The following TIAM1 variants were observed in gnomAD, a reference collection of about 807,000 sequenced individuals.
TIAM1 encodes TIAM Rac1 associated GEF 1.
In TIAM1, 65 loss-of-function variants were observed where a neutral mutation model predicts 163.5. The observed-to-expected ratio is 0.40, with a 90% CI of 0.33 to 0.49. The LOEUF (loss-of-function observed/expected upper bound fraction) is 0.49. TIAM1 is among the 20% of genes least tolerant of loss of function. The pLI is 0.77. For synonymous variants in TIAM1, 833 were observed against 810.1 expected (o/e 1.03, Z -0.48); for missense variants, 1,789 against 2,044.7 (o/e 0.87, Z 2.41).
chr21:31,248,158 T>G (rs539821463), intron 5 of TIAM1, among the ~76,000 whole-genome samples: 1 of 152,266 alleles, frequency 6.6e-6, no homozygotes, highest in African/African-American at 2.4e-5. Context: ...TACGACTAAT[T>G]CAACACTAAT....
At chr21:31,375,977 A>G (rs1222600582) in intron 2 of TIAM1, among the ~76,000 whole-genome samples, 2 of 152,114 alleles carry the variant, frequency 1.3e-5, no homozygotes, top group South Asian at 2.1e-4. Flanking sequence ...CAGTGAGCTG[A>G]GATTGTGCCA....
intron 20 of TIAM1, among the ~76,000 whole-genome samples, chr21:31,144,464 C>A (rs1351440515): frequency 6.6e-6 from 1 of 152,206 alleles, no homozygotes; most frequent in Non-Finnish European, 1.5e-5. Flanking sequence ...TGTGAGTCCG[C>A]GATGAACATG....
At chr21:31,417,328 G>T (rs946199955) in intron 2 of TIAM1, among the ~76,000 whole-genome samples, 2 of 152,162 alleles carry the variant, frequency 1.3e-5, no homozygotes, top group African/African-American at 4.8e-5. Context: ...GGCCAACTGA[G>T]TAATTTATAA....
chr21:31,242,675 A>G (rs2071244842), intron 6 of TIAM1, among the ~76,000 whole-genome samples: 1 of 152,140 alleles, frequency 6.6e-6, no homozygotes, highest in African/African-American at 2.4e-5. Flanking sequence ...AGCTGAGCAG[A>G]GACCTGGCAA....
chr21:31,540,991 T>C (rs2048308096), intron 1 of TIAM1, among the ~76,000 whole-genome samples: 2 of 152,212 alleles, frequency 1.3e-5, no homozygotes, highest in Admixed American at 6.6e-5. Context: ...TATGGATATA[T>C]ACATCAACTG....
intron 23 of TIAM1, among the ~76,000 whole-genome samples, chr21:31,131,611 G>A (rs1338559216): frequency 6.6e-6 from 1 of 152,176 alleles, no homozygotes; most frequent in Admixed American, 6.5e-5. Context: ...TTAACCTGCA[G>A]TGATTCTGAT....
intron 1 of TIAM1, among the ~76,000 whole-genome samples, chr21:31,470,913 C>T (rs1602360547): frequency 6.6e-6 from 1 of 152,200 alleles, no homozygotes; most frequent in Non-Finnish European, 1.5e-5. Flanking sequence ...CCAGCACCAC[C>T]CCTCCAGCCG....
chr21:31,364,849 C>T (rs2076472812), intron 2 of TIAM1, among the ~76,000 whole-genome samples: 1 of 152,088 alleles, frequency 6.6e-6, no homozygotes, highest in Non-Finnish European at 1.5e-5. Flanking sequence ...TGGCACAGTC[C>T]AGAGTGGGCA....
At chr21:31,448,290 A>T (rs1430119879) in intron 2 of TIAM1, among the ~76,000 whole-genome samples, 4 of 152,182 alleles carry the variant, frequency 2.6e-5, no homozygotes, top group Non-Finnish European at 5.9e-5. Flanking sequence ...CCAAGATTAG[A>T]GGACAGAATC....
chr21:31,472,907 G>A (rs979342257), intron 1 of TIAM1, among the ~76,000 whole-genome samples: 8 of 152,164 alleles, frequency 5.3e-5, no homozygotes, highest in Non-Finnish European at 7.3e-5. Flanking sequence ...TATTTTCACC[G>A]TCATTACAGT....
chr21:31,202,757 G>A, intron 12 of TIAM1, 151 bp downstream of exon 12: 1 of 683,122 alleles, frequency 1.5e-6, no homozygotes, highest in Non-Finnish European at 2.5e-6. Context: ...ACTGAGCTAA[G>A]TAGGGCCATC....
chr21:31,231,246 G>A (rs185636760), intron 6 of TIAM1, among the ~76,000 whole-genome samples: 7 of 152,266 alleles, frequency 4.6e-5, no homozygotes, highest in East Asian at 3.9e-4. Flanking sequence ...ATGTTAAGCC[G>A]CTGAGATTTA....
intron 12 of TIAM1, among the ~76,000 whole-genome samples, chr21:31,200,987 A>G (rs2086170084): frequency 6.6e-6 from 1 of 152,196 alleles, no homozygotes; most frequent in Admixed American, 6.5e-5. Flanking sequence ...AAAATTGTAG[A>G]TCCAAACAGA....
At chr21:31,538,204 C>A (rs1030536672) in intron 1 of TIAM1, among the ~76,000 whole-genome samples, 3 of 152,026 alleles carry the variant, frequency 2.0e-5, no homozygotes, top group East Asian at 3.8e-4. Context: ...ATAACGTACA[C>A]TTTTCTGTAT....
chr21:31,493,637 T>A (rs182007726), intron 1 of TIAM1, among the ~76,000 whole-genome samples: 1 of 152,340 alleles, frequency 6.6e-6, no homozygotes, highest in East Asian at 1.9e-4. Context: ...CAGGACCAGA[T>A]GCCAGGCTGC....
At chr21:31,468,337 G>C (rs2045605974) in intron 1 of TIAM1, among the ~76,000 whole-genome samples, 1 of 151,826 alleles carries the variant, frequency 6.6e-6, no homozygotes, top group Non-Finnish European at 1.5e-5. Context: ...AAAAAAATTA[G>C]CCGGGTGTGG....
intron 2 of TIAM1, among the ~76,000 whole-genome samples, chr21:31,284,096 C>T (rs2073690880): frequency 6.6e-6 from 1 of 152,178 alleles, no homozygotes; most frequent in South Asian, 2.1e-4. Flanking sequence ...TGCTATTTCA[C>T]CACACTGTGG....
chr21:31,287,229 A>T (rs1193299128), intron 2 of TIAM1, among the ~76,000 whole-genome samples: 3 of 152,230 alleles, frequency 2.0e-5, no homozygotes, highest in Admixed American at 2.0e-4. Context: ...ATATAAAAAT[A>T]GGCTTCTAAA....
intron 16 of TIAM1, among the ~76,000 whole-genome samples, chr21:31,158,770 T>A (rs2083752406): frequency 6.6e-6 from 1 of 152,184 alleles, no homozygotes; most frequent in African/African-American, 2.4e-5. Flanking sequence ...GGGGCTCAGC[T>A]TTTAAATCCC....
Sources: allele counts gnomAD v4.1 joint callset (sites outside exome capture counted in the v4.1 genomes callset), GRCh38; gene constraint gnomAD v4.1.1; transcripts MANE v1.5; gene names NCBI Gene and HGNC (gene_info 2026-07-23, HGNC 2026-07-21).